The following MTF2 variants were observed in gnomAD, a reference collection of about 807,000 sequenced individuals.
MTF2 encodes the protein metal-response element-binding transcription factor 2.
Under a neutral mutation model 79.5 loss-of-function variants are expected in MTF2, and 11 were observed. The ratio of observed to expected loss-of-function variants is 0.14; its 90% CI spans 0.09 to 0.23. MTF2 has a LOEUF of 0.23. Ranked by LOEUF, MTF2 falls within the 10% of genes least tolerant of loss-of-function variation. The probability of loss-of-function intolerance (pLI) is 1.00; values close to 1 mark genes in which losing one functional copy is unlikely to be tolerated. For missense variants in MTF2, 486 were observed against 711.2 expected (o/e 0.68, Z 3.60); for synonymous variants, 208 against 232.8 (o/e 0.89, Z 0.97).
Position 93,115,564 on chromosome 1 carries a change from C to G in MTF2, c.578C>G (p.Ala193Gly). The change falls in exon 6 of 15, where the codon GCA (alanine) becomes GGA (glycine). Residue 193 changes from alanine to glycine, a missense_variant. Physicochemically the swap from Ala to Gly is moderately conservative, Grantham distance 60. This residue lies in a region of MTF2 where 177 missense variants were observed against 364.0 expected (regional missense o/e 0.49). Coordinates refer to ENST00000370298, the MANE Select transcript of MTF2 (RefSeq NM_007358.4). ...PYSVADLEWD[A>G]GHKTNVQQCY... ...AGTGTGGCAGACCTTGAATGGGATGCAGGTCATAAAACCAATGTCCAGCAG... is the reference window on the plus strand; with the variant it reads ...AGTGTGGCAGACCTTGAATGGGATGGAGGTCATAAAACCAATGTCCAGCAG... The G allele has an allele frequency of 6.2e-7, 1 of 1,611,272 alleles. No homozygotes were observed. Among genetic ancestry groups the G allele is most frequent in the Non-Finnish European group, 8.5e-7 (1 of 1,178,690 alleles).
intron 1 of MTF2, among the ~76,000 whole-genome samples, chr1:93,082,195 G>A (rs1654633004): frequency 6.6e-6 from 1 of 151,654 alleles, no homozygotes; most frequent in African/African-American, 2.4e-5. Flanking sequence ...TTTACACTTT[G>A]GTAGAAAAAA....
At chr1:93,079,788 A>T (rs1168842829) in intron 1 of MTF2, among the ~76,000 whole-genome samples, 1 of 151,760 alleles carries the variant, frequency 6.6e-6, no homozygotes, top group East Asian at 1.9e-4. Context: ...GAACAAGATG[A>T]AACGTTGAGA....
intron 1 of MTF2, among the ~76,000 whole-genome samples, chr1:93,088,132 T>C (rs1476322954): frequency 6.6e-6 from 1 of 152,220 alleles, no homozygotes; most frequent in Admixed American, 6.5e-5. Flanking sequence ...TCGTTGGTCT[T>C]AGGACCAGAG....
intron 1 of MTF2, among the ~76,000 whole-genome samples, chr1:93,084,147 T>A (rs1238222858): frequency 2.0e-5 from 3 of 152,210 alleles, no homozygotes; most frequent in African/African-American, 7.2e-5. Context: ...CGTCATCTAT[T>A]TTGAGTCAAT....
At chr1:93,129,621 C>G (rs1212232819) in intron 11 of MTF2, among the ~76,000 whole-genome samples, 173 bp downstream of exon 11, 3 of 147,336 alleles carry the variant, frequency 2.0e-5, no homozygotes, top group Non-Finnish European at 3.0e-5. Context: ...AGAGTTGATG[C>G]CAGATGCTTG....
At chr1:93,133,856 A>G in intron 12 of MTF2, 48 bp downstream of exon 12, 2 of 1,536,890 alleles carry the variant, frequency 1.3e-6, no homozygotes, top group Non-Finnish European at 1.8e-6. Context: ...GATGCATGAA[A>G]TAACTGAGAA....
Position 93,110,376 on chromosome 1 carries a change from A to G in MTF2, c.152A>G (p.Asp51Gly). 6.2e-7 allele frequency: 1 copy of G among 1,614,224 alleles called. No homozygotes were observed. The highest frequency in any genetic ancestry group is 8.5e-7 in the Non-Finnish European group (1 of 1,180,034). Residue 51 changes from aspartate to glycine, a missense_variant, in exon 2 of 15, where the codon GAT becomes GGT. Transcript: ENST00000370298. ...KPACKFEEGQ[D>G]VLARWSDGLF... ...GCATGTAAATTTGAAGAGGGTCAGG[A>G]TGTCCTAGCTAGATGGTCAGATGGC...
chr1:93,100,742 C>T (rs896409625), intron 1 of MTF2, among the ~76,000 whole-genome samples: 2 of 152,166 alleles, frequency 1.3e-5, no homozygotes, highest in East Asian at 1.9e-4. Flanking sequence ...AAGAAGGCAA[C>T]GAGTCTCAGG....
At chr1:93,110,921 A>G (rs906915997) in intron 3 of MTF2, among the ~76,000 whole-genome samples, 4 of 152,194 alleles carry the variant, frequency 2.6e-5, no homozygotes, top group Middle Eastern at 3.2e-3. Flanking sequence ...ATTCAATTCA[A>G]CTGTTGCTTG....
intron 11 of MTF2, among the ~76,000 whole-genome samples, chr1:93,130,505 A>AG (rs1289565946): frequency 1.3e-5 from 2 of 151,984 alleles, no homozygotes; most frequent in African/African-American, 4.8e-5. Context: ...TGAATCCAGG[A>AG]GGCGGAGGTT....
chr1:93,130,958 C>CAT (rs937701507), intron 11 of MTF2, among the ~76,000 whole-genome samples: 1 of 151,966 alleles, frequency 6.6e-6, no homozygotes, highest in African/African-American at 2.4e-5. Flanking sequence ...CACACACACA[C>CAT]ACACACACAC....
intron 1 of MTF2, among the ~76,000 whole-genome samples, chr1:93,095,619 C>T (rs1655255974): frequency 6.6e-6 from 1 of 151,282 alleles, no homozygotes; most frequent in Non-Finnish European, 1.5e-5. Context: ...ACTGGGATTG[C>T]AGGCGTGAGC....
Position 93,129,558 on chromosome 1 carries a change from ATTTTTTTTTT to A in MTF2, c.1160+121_1160+130del, listed in dbSNP as rs200494793. On this transcript the variant is annotated intron_variant, in intron 11 of 14. Transcript: ENST00000370298. Reference sequence around the variant, plus strand: ...GAAAGTACAAGTGGCAGTTACTCTGATTTTTTTTTTTTTTTTTTTTGGTCTATCATATCTT... The same window carrying A: ...GAAAGTACAAGTGGCAGTTACTCTGATTTTTTTTTTGGTCTATCATATCTT... The A allele has an allele frequency of 1.1e-5, 5 of 448,080 alleles. No homozygotes were observed. In the East Asian group the frequency reaches 1.2e-4, roughly 11 times the overall value. The allele number at this position is 448,080 out of a possible 1,614,324, so 27.8% of individuals were successfully genotyped here. A position where few individuals can be genotyped will look rare whatever the true frequency, so the allele number is the denominator to read the frequency against.
At chr1:93,121,059 CTTG>C (rs1656457806) in intron 9 of MTF2, 1 of 976,368 alleles carries the variant, frequency 1.0e-6, no homozygotes, top group African/African-American at 1.8e-5. Context: ...TCCTTCCTCT[CTTG>C]TTGGTACTCC....
chr1:93,090,185 A>G (rs2101024005), intron 1 of MTF2, among the ~76,000 whole-genome samples: 1 of 152,030 alleles, frequency 6.6e-6, no homozygotes, highest in East Asian at 1.9e-4. Context: ...ACCGTGTTAG[A>G]CAGGATGGTC....
At chr1:93,090,008 G>A (rs1347095322) in intron 1 of MTF2, among the ~76,000 whole-genome samples, 4 of 151,664 alleles carry the variant, frequency 2.6e-5, no homozygotes, top group South Asian at 2.1e-4. Context: ...ATGGAGTCTC[G>A]CTCTGTCCCC....
chr1:93,128,293 C>G (rs756096636), intron 10 of MTF2, among the ~76,000 whole-genome samples: 18 of 152,022 alleles, frequency 1.2e-4, no homozygotes, highest in Non-Finnish European at 2.2e-4. Flanking sequence ...CGTGGTGGCT[C>G]ACACCTGTAA....
intron 1 of MTF2, among the ~76,000 whole-genome samples, chr1:93,105,692 G>A (rs902737761): frequency 6.7e-6 from 1 of 148,828 alleles, no homozygotes; most frequent in Non-Finnish European, 1.5e-5. Context: ...TTTTTTTTTT[G>A]AGACCAGAGT....
In MTF2 at chr1:93,100,995, G is replaced by A. The variant is rs180829299; in HGVS notation, c.6-9235G>A. Among the ~76,000 whole-genome samples the A allele has an allele frequency of 2.0e-5, 3 of 152,282 alleles. No individual in the cohort carries two copies. The East Asian group carries it at 5.8e-4, about 29-fold the overall frequency. The stretch of plus-strand genomic sequence containing the variant: ...CCACATATTTACTACTTTTCCCAGG[G>A]AAGGGAAGAAATTGTGGGCATGGGA... On this transcript the variant is annotated intron_variant, in intron 1 of 14. Transcript: ENST00000370298.
Sources: allele counts gnomAD v4.1 joint callset (sites outside exome capture counted in the v4.1 genomes callset), GRCh38; gene constraint gnomAD v4.1.1; regional missense constraint gnomAD v4.1.1; transcripts MANE v1.5; gene names NCBI Gene and HGNC (gene_info 2026-07-23, HGNC 2026-07-21).